NLGN4Y: variants seen among roughly 807,000 people sequenced by gnomAD.
NLGN4Y encodes neuroligin-4, Y-linked.
NLGN4Y carries 4 observed loss-of-function variants against 8.4 expected under a neutral mutation model. The ratio of observed to expected loss-of-function variants is 0.48; its 90% CI spans 0.23 to 1.09. The LOEUF is 1.09. Among genes scored for constraint, NLGN4Y ranks in the 50% least tolerant of loss-of-function variants. The pLI is 0.19. For missense variants in NLGN4Y, 90 were observed against 192.3 expected (o/e 0.47, Z 3.15); for synonymous variants, 35 against 75.6 (o/e 0.46, Z 2.78).
intron 2 of NLGN4Y, among the ~76,000 whole-genome samples, chrY:14,636,231 AT>A (rs2080564930): frequency 3.0e-5 from 1 of 33,545 alleles, no homozygotes; most frequent in Non-Finnish European, 7.4e-5. Flanking sequence ...TCTAATGCAT[AT>A]TTTTTTCTAC....
chrY:14,574,690 G>A (rs2080289995), intron 1 of NLGN4Y, among the ~76,000 whole-genome samples: 3 of 33,271 alleles, frequency 9.0e-5, no homozygotes, highest in African/African-American at 3.5e-4. Flanking sequence ...TATCCTTGAC[G>A]GTCTTTACAA....
chrY:14,560,213 G>A (rs2080222947), intron 1 of NLGN4Y, among the ~76,000 whole-genome samples: 2 of 33,274 alleles, frequency 6.0e-5, no homozygotes, highest in African/African-American at 2.3e-4. Context: ...TCATTGTGGA[G>A]TAATTTAGAA....
At chrY:14,713,715 G>C in intron 2 of NLGN4Y, among the ~76,000 whole-genome samples, 1 of 33,762 alleles carries the variant, frequency 3.0e-5, no homozygotes, top group African/African-American at 1.2e-4. Flanking sequence ...TTGGGATTAA[G>C]GCATGAGCCA....
chrY:14,629,119 T>G, intron 2 of NLGN4Y, among the ~76,000 whole-genome samples: 4 of 33,692 alleles, frequency 1.2e-4, no homozygotes, highest in Non-Finnish European at 2.9e-4. Flanking sequence ...ATGTTATCCA[T>G]AGCTGCTCAC....
intron 2 of NLGN4Y, among the ~76,000 whole-genome samples, chrY:14,672,307 G>A (rs2080713805): frequency 3.2e-5 from 1 of 31,515 alleles, no homozygotes; most frequent in African/African-American, 1.3e-4. Flanking sequence ...GGAGGATTAC[G>A]AGATCAGGAG....
chrY:14,628,789 T>A (rs1055185888), intron 2 of NLGN4Y, among the ~76,000 whole-genome samples: 12 of 32,306 alleles, frequency 3.7e-4, no homozygotes, highest in Non-Finnish European at 6.8e-4. Context: ...TTATTTTATT[T>A]TTATTCTTAT....
chrY:14,554,108 C>T (rs974357848), intron 1 of NLGN4Y, among the ~76,000 whole-genome samples: 11 of 30,958 alleles, frequency 3.6e-4, no homozygotes, highest in South Asian at 7.4e-4. Flanking sequence ...TGTAAATTAT[C>T]TCAATGTATG....
At chrY:14,713,743 T>A in intron 2 of NLGN4Y, among the ~76,000 whole-genome samples, 1 of 34,053 alleles carries the variant, frequency 2.9e-5, no homozygotes, top group East Asian at 7.7e-4. Context: ...CATATCATTT[T>A]CCAAATTATT....
intron 1 of NLGN4Y, among the ~76,000 whole-genome samples, chrY:14,531,854 A>G: frequency 3.2e-5 from 1 of 31,427 alleles, no homozygotes; most frequent in Non-Finnish European, 7.6e-5. Flanking sequence ...AAAAATACAT[A>G]CAAACTATAT....
intron 2 of NLGN4Y, among the ~76,000 whole-genome samples, chrY:14,633,958 A>G (rs2080557453): frequency 3.0e-5 from 1 of 33,446 alleles, no homozygotes; most frequent in Non-Finnish European, 7.4e-5. Flanking sequence ...ACTAAGTTTA[A>G]CATTTTCTCT....
chrY:14,776,842 T>C, intron 4 of NLGN4Y, among the ~76,000 whole-genome samples: 1 of 33,088 alleles, frequency 3.0e-5, no homozygotes. Flanking sequence ...TGGGGTAATG[T>C]TATACAATTC....
chrY:14,641,419 G>A, intron 2 of NLGN4Y, among the ~76,000 whole-genome samples: 1 of 33,606 alleles, frequency 3.0e-5, no homozygotes, highest in Non-Finnish European at 7.3e-5. Context: ...AGGGAGCACT[G>A]TTGAAAACTA....
chrY:14,687,675 C>A, intron 2 of NLGN4Y, among the ~76,000 whole-genome samples: 1 of 32,880 alleles, frequency 3.0e-5, no homozygotes, highest in African/African-American at 1.2e-4. Flanking sequence ...ATGGGAGCTA[C>A]AATTCAATAT....
chrY:14,815,202 A>T (rs9786376), intron 4 of NLGN4Y, among the ~76,000 whole-genome samples: 5,069 of 33,078 alleles, frequency 0.15, no homozygotes, highest in African/African-American at 0.59. Context: ...AGGTACCTCC[A>T]GAGAATAGCT....
At chrY:14,666,820 C>T in intron 2 of NLGN4Y, among the ~76,000 whole-genome samples, 2 of 32,759 alleles carry the variant, frequency 6.1e-5, no homozygotes, top group African/African-American at 1.2e-4. Context: ...CCAGGTGTTT[C>T]AGGTTTGAGG....
rs917196910 is a variant in NLGN4Y at position 14,742,122 on chromosome Y, T to A, written c.685+18853T>A. Among the ~76,000 whole-genome samples, 3 of 33,522 alleles carry A rather than the reference T, an allele frequency of 8.9e-5. No individual in the cohort carries two copies. The South Asian group carries it at 2.0e-3, about 22-fold the overall frequency. 89.9% of individuals were successfully genotyped at this position (33,522 alleles called of 37,273 possible). A position where few individuals can be genotyped will look rare whatever the true frequency, so the allele number is the denominator to read the frequency against. ...GAAAAATAAAAAGATCTTAAAGATG[T>A]TGTATTAAGATAAGTTAGACTAAGG... On this transcript the variant is annotated intron_variant, in intron 4 of 6. Transcript: ENST00000684976.
chrY:14,524,283 A>C, upstream of NLGN4Y: 1 of 83,295 alleles, frequency 1.2e-5, no homozygotes, highest in Admixed American at 1.6e-4. Flanking sequence ...CCAGTCCCTA[A>C]GGTAGGGATG....
chrY:14,706,797 A>AAAAT (rs2080880008), intron 2 of NLGN4Y, among the ~76,000 whole-genome samples: 5 of 19,463 alleles, frequency 2.6e-4, no homozygotes, highest in African/African-American at 1.1e-3. Context: ...TTTAAAAAAA[A>AAAAT]ATATATATAT....
At chrY:14,740,066 C>T in intron 4 of NLGN4Y, among the ~76,000 whole-genome samples, 1 of 32,476 alleles carries the variant, frequency 3.1e-5, no homozygotes, top group Non-Finnish European at 7.5e-5. Flanking sequence ...ATATTTGTTG[C>T]AGAAAAGAGA....
Sources: allele counts gnomAD v4.1 joint callset (sites outside exome capture counted in the v4.1 genomes callset), GRCh38; gene constraint gnomAD v4.1.1; transcripts MANE v1.5; gene names NCBI Gene and HGNC (gene_info 2026-07-23, HGNC 2026-07-21).